TTC16: variants seen among roughly 807,000 people sequenced by gnomAD.
The protein encoded by TTC16 is tetratricopeptide repeat protein 16.
Under a neutral mutation model 80.4 loss-of-function variants are expected in TTC16, and 66 were observed. The observed-to-expected ratio is 0.82, with a 90% CI of 0.67 to 1.01. The LOEUF (loss-of-function observed/expected upper bound fraction) is 1.01, where lower values mean the gene tolerates loss of function less well. Among genes scored for constraint, TTC16 ranks in the 50% least tolerant of loss-of-function variants. TTC16 has a pLI of 0.00. For synonymous variants in TTC16, 438 were observed against 451.3 expected, an observed-to-expected ratio of 0.97 and a Z score of 0.37; for missense variants, 1,070 against 1,103.2, an observed-to-expected ratio of 0.97 and a Z score of 0.43.
intron 6 of TTC16, among the ~76,000 whole-genome samples, chr9:127,721,873 T>G (rs1474405610): frequency 6.6e-6 from 1 of 152,084 alleles, no homozygotes; most frequent in Non-Finnish European, 1.5e-5. Context: ...TTTTGTATTT[T>G]TAGGAGAGAC....
Position 127,726,357 on chromosome 9 carries a change from C to G in TTC16, c.1378C>G (p.Arg460Gly). The G allele has an allele frequency of 6.2e-7, 1 of 1,611,842 alleles. No homozygotes were observed. Residue 460 changes from arginine (R) to glycine (G), a missense_variant, in exon 10 of 14, where the codon CGC becomes GGC. Transcript: ENST00000373289. ...RQLLQNIFGA[R>G]QDVATVLLLN... ...GCTGCTGCAGAACATTTTTGGGGCC[C>G]GCCAGGATGTGGCCACTGTCCTGCT...
Position 127,724,204 on chromosome 9 carries a change from G to C in TTC16, c.957G>C (p.Gln319His). The change falls in exon 8 of 14, where the codon CAG becomes CAC. Residue 319 changes from glutamine (Q) to histidine (H), a missense_variant. Physicochemically the swap from Gln to His is conservative, Grantham distance 24. Coordinates refer to ENST00000373289, the MANE Select transcript of TTC16 (RefSeq NM_144965.3). ...TGCTGGACATGGTGACCGAGGACCA[G>C]GAGGACATGGTGCGGCAGGCACAGC... ...LKVLDMVTED[Q>H]EDMVRQAQRQ... The C allele has an allele frequency of 6.2e-7, 1 of 1,613,326 alleles. No individual in the cohort carries two copies. The highest frequency in any genetic ancestry group is 8.5e-7 in the Non-Finnish European group (1 of 1,180,018).
rs781508616 is a variant in TTC16 at position 127,726,271 on chromosome 9, C to T, written c.1292C>T (p.Thr431Met). Residue 431 changes from threonine to methionine, a missense_variant, in exon 10 of 14, where the codon ACG becomes ATG. Physicochemically the swap from Thr to Met is moderately conservative, Grantham distance 81. Transcript: ENST00000373289. ...CAGAAGGCAGAGAACCACTTCTCCA[C>T]GGCCATCCGGCACAACCCCCAGAAG... ...QFQKAENHFS[T>M]AIRHNPQKAQ... is the part of the protein sequence containing the mutation. The T allele has an allele frequency of 1.1e-5, 17 of 1,602,660 alleles. 1 individual carries two copies. Among genetic ancestry groups the T allele is most frequent in the Admixed American group, 5.1e-5 (3 of 59,294 alleles).
At chr9:127,726,928 C>A (rs749140393) in intron 10 of TTC16, 42 bp from the exon 11 acceptor site, 1 of 1,612,178 alleles carries the variant, frequency 6.2e-7, no homozygotes, top group Non-Finnish European at 8.5e-7. Flanking sequence ...CTGTCTGCTG[C>A]TCTGGCCCTC....
Position 127,718,936 on chromosome 9 carries a change from G to A in TTC16, c.427-1142G>A, listed in dbSNP as rs564808717. On this transcript the variant is annotated intron_variant, in intron 4 of 13. Transcript: ENST00000373289. The surrounding 1 kb of genome is among the most constrained non-coding windows in gnomAD (Gnocchi z 4.6). The stretch of plus-strand genomic sequence containing the variant: ...TCAAAAAATATTCAGTTCTTGGCCG[G>A]GCACGGTGGCTCACGCCTGTAATCC... Among the ~76,000 whole-genome samples the A allele has an allele frequency of 6.6e-6, 1 of 151,714 alleles. No homozygotes were observed. The highest frequency in any genetic ancestry group is 2.1e-4 in the South Asian group (1 of 4,774).
At position 127,718,245 on chromosome 9, in the gene TTC16, G is replaced by A. The variant is rs1339822454; in HGVS notation, c.426+473G>A. Among the ~76,000 whole-genome samples, 1 of 151,940 alleles carries A rather than the reference G, an allele frequency of 6.6e-6. No homozygotes were observed. The stretch of plus-strand genomic sequence containing the variant: ...TGGGACTACAGGCACACGCCACCAC[G>A]CCTGGCTAATTTTTTGTATTTTAGT... On this transcript the variant is annotated intron_variant, in intron 4 of 13. Coordinates refer to ENST00000373289, the MANE Select transcript of TTC16 (RefSeq NM_144965.3). The surrounding 1 kb of genome is among the most constrained non-coding windows in gnomAD (Gnocchi z 4.6).
intron 13 of TTC16, chr9:127,730,134 G>T: frequency 4.6e-6 from 1 of 218,624 alleles, no homozygotes; most frequent in Non-Finnish European, 9.2e-6. Context: ...GGCCAGGCCT[G>T]TGCTCAATAC....
intron 10 of TTC16, 23 bp from the exon 11 acceptor site, chr9:127,726,947 C>G: frequency 6.2e-7 from 1 of 1,613,120 alleles, no homozygotes; most frequent in Non-Finnish European, 8.5e-7. Context: ...TCACCTGGCT[C>G]TGGTCACCCC....
intron 9 of TTC16, 105 bp downstream of exon 9, chr9:127,725,002 C>G: frequency 6.7e-6 from 9 of 1,342,132 alleles, no homozygotes; most frequent in East Asian, 2.7e-5. Flanking sequence ...CTTCTCTCCT[C>G]GGGGGCGATG....
chr9:127,727,676 G>C lies in TTC16; in HGVS notation c.1764+211G>C, dbSNP rs1844092979. 10 of 1,038,602 alleles carry C rather than the reference G, an allele frequency of 9.6e-6. No individual in the cohort carries two copies. The South Asian group carries it at 2.4e-4, about 25-fold the overall frequency. The allele number at this position is 1,038,602 out of a possible 1,614,324, so 64.3% of individuals were successfully genotyped here. A position where few individuals can be genotyped will look rare whatever the true frequency, so the allele number is the denominator to read the frequency against. Reference sequence around the variant, plus strand: ...CTGACGGAGGGTGTGTGGGGATGTGGGCCCTCAGAGAGAGGAGTCACAGCC... The same window carrying C: ...CTGACGGAGGGTGTGTGGGGATGTGCGCCCTCAGAGAGAGGAGTCACAGCC... On this transcript the variant is annotated intron_variant, in intron 12 of 13. Coordinates refer to ENST00000373289, the MANE Select transcript of TTC16 (RefSeq NM_144965.3).
chr9:127,723,966 C>T (rs1306900894), intron 7 of TTC16, among the ~76,000 whole-genome samples, 154 bp from the exon 8 acceptor site: 1 of 151,920 alleles, frequency 6.6e-6, no homozygotes, highest in Admixed American at 6.5e-5. Context: ...GAGCTGGCCC[C>T]ACGGGACAAA....
In TTC16 at chr9:127,718,237, G is replaced by A. The variant is rs1009868990; in HGVS notation, c.426+465G>A. ...TGAGTAGCTGGGACTACAGGCACAC[G>A]CCACCACGCCTGGCTAATTTTTTGT... is the stretch of plus-strand genomic sequence containing the variant. On this transcript the variant is annotated intron_variant, in intron 4 of 13. Transcript: ENST00000373289. This position sits in a 1 kb window ranked among gnomAD's most constrained non-coding sequence, Gnocchi z 4.6. 7.2e-5 allele frequency among the ~76,000 whole-genome samples: 11 copies of A among 151,892 alleles called. No homozygotes were observed. The East Asian group carries it at 1.9e-3, about 27-fold the overall frequency.
At chr9:127,719,556 G>A (rs1843294461) in intron 4 of TTC16, among the ~76,000 whole-genome samples, 1 of 152,148 alleles carries the variant, frequency 6.6e-6, no homozygotes. Context: ...GCTGTGGCAC[G>A]ATCTCGGCTC....
At chr9:127,730,022 A>G in intron 13 of TTC16, 1 of 284,570 alleles carries the variant, frequency 3.5e-6, no homozygotes, top group Non-Finnish European at 6.8e-6. Flanking sequence ...TGCTCCTCAG[A>G]GGCCCCAAGG....
At position 127,729,661 on chromosome 9, in the gene TTC16, C is replaced by A. The variant is rs201179240; in HGVS notation, c.1845C>A (p.Ser615Arg). ...TTGACCAGACCTCTTCAGCCTCCAGCATGAGCTGTAAGTCCCTGGTGCTTC... is the reference window on the plus strand; with the variant it reads ...TTGACCAGACCTCTTCAGCCTCCAGAATGAGCTGTAAGTCCCTGGTGCTTC... ...SYLDQTSSAS[S>R]MSFRTTGTSE... The change falls in exon 13 of 14, where the codon AGC (serine) becomes AGA (arginine). Residue 615 changes from serine (S) to arginine (R), a missense_variant. Ser to Arg is a moderately radical substitution (Grantham distance 110, BLOSUM62 -1). Transcript: ENST00000373289. The A allele has an allele frequency of 3.7e-5, 59 of 1,613,386 alleles. No homozygotes were observed. Among genetic ancestry groups the A allele is most frequent in the Non-Finnish European group, 4.5e-5 (53 of 1,179,954 alleles).
chr9:127,717,346 C>G lies in TTC16; in HGVS notation c.204C>G (p.Gly68=). 6.2e-7 allele frequency: 1 copy of G among 1,611,342 alleles called. No homozygotes were observed. The highest frequency in any genetic ancestry group is 8.5e-7 in the Non-Finnish European group (1 of 1,180,002). The change falls in exon 3 of 14, where the codon GGC becomes GGG. Residue 68 remains glycine (G), a synonymous_variant. Coordinates refer to ENST00000373289, the MANE Select transcript of TTC16 (RefSeq NM_144965.3). ...ACTTTCCCCACAGCTACTCCAGAGG[C>G]CAGCAGTGCTTGGAGCAGGCAGACT... The part of the protein sequence containing the change: ...PLKVREYYSR[G]QQCLEQADWE...
chr9:127,720,003 G>C (rs1033240095), intron 4 of TTC16, 75 bp from the exon 5 acceptor site: 24 of 1,330,598 alleles, frequency 1.8e-5, no homozygotes, highest in Non-Finnish European at 2.5e-5. Flanking sequence ...CCTGCCTCAG[G>C]GCTTTCTGCT....
chr9:127,727,097 C>T lies in TTC16; in HGVS notation c.1553C>T (p.Pro518Leu). The T allele has an allele frequency of 4.4e-6, 7 of 1,605,390 alleles. No individual in the cohort carries two copies. Among genetic ancestry groups the T allele is most frequent in the Non-Finnish European group, 6.0e-6 (7 of 1,175,592 alleles). ...GAGGGCAGCCTGCAGGCCGGCAGCCCACAAGGCATTGTGGGGTAAGCCCTG... is the reference window on the plus strand; with the variant it reads ...GAGGGCAGCCTGCAGGCCGGCAGCCTACAAGGCATTGTGGGGTAAGCCCTG... The part of the protein sequence containing the change: ...MVEGSLQAGS[P>L]QGIVGMLKRH... Residue 518 changes from proline to leucine, a missense_variant, in exon 11 of 14, where the codon CCA becomes CTA. Transcript: ENST00000373289.
At chr9:127,720,636 G>A (rs528056967) in intron 6 of TTC16, among the ~76,000 whole-genome samples, 1 of 152,046 alleles carries the variant, frequency 6.6e-6, no homozygotes, top group African/African-American at 2.4e-5. Flanking sequence ...GCACCCCATG[G>A]GAAGCAAAAG....
Sources: allele counts gnomAD v4.1 joint callset (sites outside exome capture counted in the v4.1 genomes callset), GRCh38; gene constraint gnomAD v4.1.1; non-coding constraint Gnocchi (gnomAD v3.1); transcripts MANE v1.5; gene names NCBI Gene and HGNC (gene_info 2026-07-23, HGNC 2026-07-21).